Variants in ARHGAP6 observed in about 807,000 individuals in gnomAD.
ARHGAP6 encodes the protein Rho GTPase activating protein 6.
Under a neutral mutation model 55.7 loss-of-function variants are expected in ARHGAP6, and 16 were observed. The observed-to-expected ratio is 0.29, with a 90% CI of 0.19 to 0.44. The LOEUF is 0.44. ARHGAP6 is among the 20% of genes least tolerant of loss of function. The pLI, the probability that ARHGAP6 is intolerant of heterozygous loss-of-function variation, is 1.00. For synonymous variants in ARHGAP6, 382 were observed against 360.9 expected, an observed-to-expected ratio of 1.06 and a Z score of -0.66; for missense variants, 698 against 808.9, an observed-to-expected ratio of 0.86 and a Z score of 1.66.
intron 1 of ARHGAP6, among the ~76,000 whole-genome samples, chrX:11,526,422 G>A (rs2147883888): frequency 8.9e-6 from 1 of 112,097 alleles, no homozygotes; most frequent in Non-Finnish European, 1.9e-5. Context: ...GTAGTATAAA[G>A]CCTTCAGGCT....
At chrX:11,430,502 A>C (rs1366184091) in intron 1 of ARHGAP6, among the ~76,000 whole-genome samples, 6 of 112,241 alleles carry the variant, frequency 5.3e-5, no homozygotes, top group Non-Finnish European at 1.1e-4. Context: ...TCTTAGTCCA[A>C]TTGTGTAAGG....
chrX:11,223,786 T>A (rs551351257), intron 2 of ARHGAP6, among the ~76,000 whole-genome samples: 1 of 111,738 alleles, frequency 8.9e-6, no homozygotes, highest in South Asian at 3.7e-4. Flanking sequence ...AACCTACTTA[T>A]GAGAACCCAC....
chrX:11,253,741 C>A (rs1333650396), intron 2 of ARHGAP6, among the ~76,000 whole-genome samples: 2 of 110,774 alleles, frequency 1.8e-5, no homozygotes, highest in African/African-American at 3.3e-5. Context: ...CTTGTCTCTA[C>A]TATAAACACA....
chrX:11,345,587 C>T (rs1412336145), intron 1 of ARHGAP6, among the ~76,000 whole-genome samples: 9 of 111,797 alleles, frequency 8.1e-5, no homozygotes, highest in South Asian at 3.8e-4. Flanking sequence ...GAAAAAAGCA[C>T]GTTTTTCTTG....
chrX:11,521,056 T>C (rs1603240874), intron 1 of ARHGAP6, among the ~76,000 whole-genome samples: 1 of 111,997 alleles, frequency 8.9e-6, no homozygotes, highest in South Asian at 3.7e-4. Context: ...TTCTGGATAT[T>C]AGCCCTTTGT....
At chrX:11,512,458 T>C (rs1485438270) in intron 1 of ARHGAP6, among the ~76,000 whole-genome samples, 3 of 111,367 alleles carry the variant, frequency 2.7e-5, no homozygotes, top group African/African-American at 9.8e-5. Context: ...AGTTTCTCCA[T>C]ATATACAACC....
At chrX:11,213,168 C>T (rs764779816) in intron 2 of ARHGAP6, among the ~76,000 whole-genome samples, 3 of 113,029 alleles carry the variant, frequency 2.7e-5, no homozygotes, top group African/African-American at 9.6e-5. Flanking sequence ...ACCTCACCCC[C>T]GGGCTCGTTC....
Position 11,438,041 on chromosome X carries a change from G to A in ARHGAP6, c.589-183334C>T, listed in dbSNP as rs778579128. Among the ~76,000 whole-genome samples, 64 of 112,533 alleles carry A rather than the reference G, an allele frequency of 5.7e-4. No homozygotes were observed. The South Asian group carries it at 0.022, about 38-fold the overall frequency. On this transcript the variant is annotated intron_variant, in intron 1 of 12. Transcript: ENST00000337414. Reference sequence around the variant, plus strand: ...TTGCAACCTCCAGATTTCCACCTGGGTGAGGTATGAGTCGGTCTTTTCGTA... The same window carrying A: ...TTGCAACCTCCAGATTTCCACCTGGATGAGGTATGAGTCGGTCTTTTCGTA...
chrX:11,626,620 T>A (rs1183355079), intron 1 of ARHGAP6, among the ~76,000 whole-genome samples: 2 of 111,752 alleles, frequency 1.8e-5, no homozygotes, highest in African/African-American at 6.5e-5. Flanking sequence ...ACCACATTAG[T>A]AACTTACACA....
At chrX:11,436,850 C>A (rs1282264069) in intron 1 of ARHGAP6, among the ~76,000 whole-genome samples, 1 of 94,387 alleles carries the variant, frequency 1.1e-5, no homozygotes, top group Non-Finnish European at 2.0e-5. Flanking sequence ...GAGTAGATGT[C>A]GGGTTGCCTA....
intron 1 of ARHGAP6, among the ~76,000 whole-genome samples, chrX:11,287,960 C>T (rs2047941680): frequency 8.9e-6 from 1 of 112,642 alleles, no homozygotes; most frequent in Non-Finnish European, 1.9e-5. Flanking sequence ...CTAGCTAACA[C>T]ACTGGGCCAC....
At chrX:11,300,748 T>C in intron 1 of ARHGAP6, 1 of 592,032 alleles carries the variant, frequency 1.7e-6, no homozygotes, top group Non-Finnish European at 2.8e-6. Flanking sequence ...GACAATAAAA[T>C]GCATTAAAAA....
chrX:11,646,142 A>G (rs1485387427), intron 1 of ARHGAP6, among the ~76,000 whole-genome samples: 1 of 111,454 alleles, frequency 9.0e-6, no homozygotes, highest in African/African-American at 3.3e-5. Flanking sequence ...ACTTCCACAC[A>G]CTTATAAAAC....
chrX:11,650,617 C>T (rs926476588), intron 1 of ARHGAP6, among the ~76,000 whole-genome samples: 1 of 112,287 alleles, frequency 8.9e-6, no homozygotes, highest in African/African-American at 3.2e-5. Flanking sequence ...ACTTGTAACT[C>T]TGAATAACTA....
chrX:11,454,377 T>C (rs777846846), intron 1 of ARHGAP6, among the ~76,000 whole-genome samples: 6 of 111,478 alleles, frequency 5.4e-5, no homozygotes, highest in Admixed American at 1.9e-4. Flanking sequence ...AATACTTTCC[T>C]TGAAGCATTC....
intron 1 of ARHGAP6, among the ~76,000 whole-genome samples, chrX:11,486,602 T>C (rs1569362818): frequency 8.9e-6 from 1 of 112,123 alleles, no homozygotes; most frequent in Non-Finnish European, 1.9e-5. Context: ...CCAAGACCCA[T>C]GACATCAGGC....
intron 1 of ARHGAP6, among the ~76,000 whole-genome samples, chrX:11,598,183 G>A (rs1435438206): frequency 9.0e-6 from 1 of 111,585 alleles, no homozygotes; most frequent in African/African-American, 3.3e-5. Context: ...TGACATTCAA[G>A]TACCTGGCTT....
At chrX:11,212,318 A>G (rs1430506754) in intron 2 of ARHGAP6, among the ~76,000 whole-genome samples, 1 of 111,598 alleles carries the variant, frequency 9.0e-6, no homozygotes, top group Non-Finnish European at 1.9e-5. Context: ...ATAATTTTCT[A>G]TGTTTCTAAT....
chrX:11,589,098 G>C (rs2051772390), intron 1 of ARHGAP6, among the ~76,000 whole-genome samples: 1 of 105,315 alleles, frequency 9.5e-6, no homozygotes, highest in East Asian at 3.0e-4. Context: ...CTGGAGTGCA[G>C]TAGTGCAGTC....
Sources: gnomAD v4.1 joint callset for allele counts (sites outside exome capture counted in the v4.1 genomes callset) on GRCh38, gnomAD v4.1.1 for gene constraint, MANE v1.5 for transcripts, NCBI Gene and HGNC (gene_info 2026-07-23, HGNC 2026-07-21) for gene names.